Variants in LIMA1 observed in about 807,000 individuals in gnomAD.
LIMA1 encodes the protein LIM domain and actin-binding protein 1.
A neutral mutation model predicts 62.6 loss-of-function variants in LIMA1; 52 were observed. The ratio of observed to expected loss-of-function variants is 0.83; its 90% confidence interval spans 0.67 to 1.05. The LOEUF is 1.05. LIMA1 is among the 50% of genes least tolerant of loss of function. LIMA1 has a pLI of 0.00. For missense variants in LIMA1, 780 were observed against 902.2 expected (o/e 0.86, Z 1.74); for synonymous variants, 302 against 317.8 (o/e 0.95, Z 0.53).
rs769442487 is a variant in LIMA1 at position 50,177,739 on chromosome 12, G to A, written c.1605C>T (p.Pro535=). ...TKKLRIAWPP[P]TELGSSGSAL... ...CACTTCCTGAACTTCCAAGTTCAGT[G>A]GGGGGTGGCCAGGCGATCCTCAGCT... The change falls in exon 11 of 11, where the codon CCC becomes CCT. Residue 535 remains proline, a synonymous_variant. Coordinates refer to ENST00000341247, the MANE Select transcript of LIMA1 (RefSeq NM_016357.5). 2.5e-6 allele frequency: 4 copies of A among 1,613,678 alleles called. No homozygotes were observed. The African/African-American group carries it at 4.0e-5, about 16-fold the overall frequency.
chr12:50,239,654 A>T (rs1282076365), intron 2 of LIMA1, among the ~76,000 whole-genome samples: 1 of 151,082 alleles, frequency 6.6e-6, no homozygotes, highest in Non-Finnish European at 1.5e-5. Flanking sequence ...AACAAACAAA[A>T]AACCATCACA....
intron 1 of LIMA1, among the ~76,000 whole-genome samples, chr12:50,255,567 AG>A (rs1941984471): frequency 6.6e-6 from 1 of 150,824 alleles, no homozygotes. Context: ...AAAAAAGAAA[AG>A]AAAAGAAAAA....
chr12:50,254,557 G>A (rs2138655118), intron 1 of LIMA1, among the ~76,000 whole-genome samples: 1 of 152,198 alleles, frequency 6.6e-6, no homozygotes, highest in East Asian at 1.9e-4. Context: ...ATTGTCCTAG[G>A]GTAGGGTAAG....
chr12:50,222,869 A>C (rs1941471202), intron 3 of LIMA1, among the ~76,000 whole-genome samples: 1 of 152,244 alleles, frequency 6.6e-6, no homozygotes, highest in African/African-American at 2.4e-5. Flanking sequence ...GTAACTACAC[A>C]TCAGCAAAGT....
At chr12:50,193,582 CATGT>C (rs1368938447) in intron 8 of LIMA1, among the ~76,000 whole-genome samples, 8 of 98,270 alleles carry the variant, frequency 8.1e-5, no homozygotes, top group African/African-American at 1.3e-4. Flanking sequence ...TATATATATA[CATGT>C]ATATATGATA....
chr12:50,254,336 C>T (rs916774572), intron 1 of LIMA1, among the ~76,000 whole-genome samples: 4 of 152,152 alleles, frequency 2.6e-5, no homozygotes, highest in African/African-American at 9.7e-5. Flanking sequence ...AAGATGCCTT[C>T]AGTTTCAGAT....
rs150300834 is a variant in LIMA1, at chr12:50,270,604, CA to C, written c.-24+12815del. Among the ~76,000 whole-genome samples, 526 of 71,686 alleles carry C rather than the reference CA, an allele frequency of 7.3e-3. 1 individual carries two copies. The highest frequency in any genetic ancestry group is 0.017 in the African/African-American group (323 of 19,558). The allele number at this position is 71,686 out of a possible 152,430, so 47.0% of individuals were successfully genotyped here. On this transcript the variant is annotated intron_variant, in intron 1 of 10. Coordinates refer to ENST00000341247, the MANE Select transcript of LIMA1 (RefSeq NM_016357.5). ...TGGGCAACAGAGTGAGACCTTATCTCAAAAAAAAAAAAAAAAAAAAAAAAAG... is the reference window on the plus strand; with the variant it reads ...TGGGCAACAGAGTGAGACCTTATCTCAAAAAAAAAAAAAAAAAAAAAAAAG...
At chr12:50,273,798 T>A (rs538809777) in intron 1 of LIMA1, among the ~76,000 whole-genome samples, 1 of 152,244 alleles carries the variant, frequency 6.6e-6, no homozygotes, top group East Asian at 1.9e-4. Context: ...AGATTCTAGA[T>A]AGCTTTCTAA....
chr12:50,236,089 C>T (rs1402681591), intron 2 of LIMA1, among the ~76,000 whole-genome samples: 1 of 151,450 alleles, frequency 6.6e-6, no homozygotes, highest in Non-Finnish European at 1.5e-5. Context: ...CGCCTGAACC[C>T]GGGAGGTGGA....
At chr12:50,241,933 A>ATTTTTTTTTTTTTTTTTT (rs577308413) in intron 2 of LIMA1, among the ~76,000 whole-genome samples, 1 of 36,406 alleles carries the variant, frequency 2.7e-5, no homozygotes, top group Non-Finnish European at 4.9e-5. Flanking sequence ...TCCTTCCCAG[A>ATTTTTTTTTTTTTTTTTT]TTTTTTTTTT....
intron 2 of LIMA1, among the ~76,000 whole-genome samples, chr12:50,248,198 G>T (rs1301917469): frequency 6.6e-6 from 1 of 152,172 alleles, no homozygotes; most frequent in Non-Finnish European, 1.5e-5. Flanking sequence ...ATTGGAAAGT[G>T]CAGGTATAGA....
intron 1 of LIMA1, among the ~76,000 whole-genome samples, chr12:50,267,494 G>C (rs1323097496): frequency 6.6e-6 from 1 of 151,682 alleles, no homozygotes; most frequent in South Asian, 2.1e-4. Context: ...TGGGATTACA[G>C]GTGTGAATCA....
intron 2 of LIMA1, among the ~76,000 whole-genome samples, chr12:50,242,055 T>C (rs1008081741): frequency 2.1e-5 from 3 of 144,808 alleles, no homozygotes; most frequent in African/African-American, 7.7e-5. Context: ...AGGCAGCTGA[T>C]GGAGGACGCT....
At chr12:50,247,327 C>A (rs571785383) in intron 2 of LIMA1, among the ~76,000 whole-genome samples, 1 of 152,070 alleles carries the variant, frequency 6.6e-6, no homozygotes, top group South Asian at 2.1e-4. Context: ...GGCAACACAA[C>A]TTTGAACTCC....
At chr12:50,192,085 G>A (rs1239294328) in intron 9 of LIMA1, among the ~76,000 whole-genome samples, 4 of 131,348 alleles carry the variant, frequency 3.0e-5, no homozygotes, top group South Asian at 2.5e-4. Flanking sequence ...ACAGTAAGCC[G>A]AGATCATGCC....
At chr12:50,192,984 G>C (rs962728184) in intron 8 of LIMA1, among the ~76,000 whole-genome samples, 15 of 99,720 alleles carry the variant, frequency 1.5e-4, no homozygotes, top group African/African-American at 5.4e-4. Flanking sequence ...TACTCTGTGT[G>C]TGTGTGTGTG....
chr12:50,243,365 T>C (rs150220535), intron 2 of LIMA1, among the ~76,000 whole-genome samples: 2 of 152,334 alleles, frequency 1.3e-5, no homozygotes, highest in East Asian at 3.9e-4. Flanking sequence ...GACTCACTAT[T>C]TGCAAACCCC....
chr12:50,252,083 T>C (rs903419177), intron 1 of LIMA1, among the ~76,000 whole-genome samples: 1 of 152,132 alleles, frequency 6.6e-6, no homozygotes, highest in East Asian at 1.9e-4. Flanking sequence ...CAAGACAGAA[T>C]GTGGTTAGAG....
intron 6 of LIMA1, 129 bp from the exon 7 acceptor site, chr12:50,201,013 C>T (rs527610592): frequency 6.5e-5 from 94 of 1,446,646 alleles, no homozygotes; most frequent in Non-Finnish European, 8.4e-5. Context: ...AAATCAACCC[C>T]CTAACTCTCA....
Sources: allele counts gnomAD v4.1 joint callset (sites outside exome capture counted in the v4.1 genomes callset), GRCh38; gene constraint gnomAD v4.1.1; transcripts MANE v1.5; gene names NCBI Gene and HGNC (gene_info 2026-07-23, HGNC 2026-07-21).